Variants in PCDH9 observed in about 807,000 individuals in gnomAD.
PCDH9 encodes protocadherin 9.
PCDH9 carries 24 observed loss-of-function variants against 70.6 expected under a neutral mutation model. That is an observed-to-expected ratio of 0.34 (90% confidence interval 0.25 to 0.48). The LOEUF (loss-of-function observed/expected upper bound fraction) is 0.48, where lower values mean the gene tolerates loss of function less well. PCDH9 is among the 20% of genes least tolerant of loss of function. The pLI is 0.99. For synonymous variants in PCDH9, 562 were observed against 558.5 expected, an observed-to-expected ratio of 1.01 and a Z score of -0.09; for missense variants, 1,281 against 1,503.6, an observed-to-expected ratio of 0.85 and a Z score of 2.45.
chr13:67,012,667 C>T (rs898910434), intron 2 of PCDH9, among the ~76,000 whole-genome samples: 1 of 151,932 alleles, frequency 6.6e-6, no homozygotes, highest in Admixed American at 6.6e-5. Context: ...GAAGAGACAG[C>T]CTCTGACTCA....
chr13:66,523,221 TACTATC>T (rs1452638664), intron 4 of PCDH9, among the ~76,000 whole-genome samples: 4 of 152,016 alleles, frequency 2.6e-5, no homozygotes, highest in Admixed American at 2.6e-4. Context: ...CACCCTTCAT[TACTATC>T]ACTATCAAAA....
chr13:67,209,088 T>C (rs569239210), intron 2 of PCDH9: 1 of 152,224 alleles, frequency 6.6e-6, no homozygotes, highest in East Asian at 1.9e-4. Flanking sequence ...AACACTGGAG[T>C]ATTGTTCTGA....
intron 4 of PCDH9, among the ~76,000 whole-genome samples, chr13:66,337,598 AAAACAAACAAAC>A (rs71106965): frequency 6.6e-6 from 1 of 151,134 alleles, no homozygotes; most frequent in Non-Finnish European, 1.5e-5. Context: ...GGTACTTGTT[AAAACAAACAAAC>A]AAACAAACAA....
intron 3 of PCDH9, among the ~76,000 whole-genome samples, chr13:66,885,202 G>C (rs1423687919): frequency 1.3e-5 from 2 of 152,046 alleles, no homozygotes; most frequent in Non-Finnish European, 2.9e-5. Flanking sequence ...GACACTCCTT[G>C]ATATATCAGC....
At position 66,617,783 on chromosome 13, in the gene PCDH9, C is replaced by T. The variant is rs185822695; in HGVS notation, c.3340+13427G>A. Among the ~76,000 whole-genome samples, 3 of 152,292 alleles carry T rather than the reference C, an allele frequency of 2.0e-5. No homozygotes were observed. In the East Asian group the frequency reaches 5.8e-4, roughly 29 times the overall value. Reference sequence around the variant, plus strand: ...TTCAGGCCATCAAACTCCAAACAGTCATGCAATTGGAGCCTCTGATGATGG... The same window carrying T: ...TTCAGGCCATCAAACTCCAAACAGTTATGCAATTGGAGCCTCTGATGATGG... On this transcript the variant is annotated intron_variant, in intron 4 of 4. Transcript: ENST00000377865.
chr13:66,496,296 C>T (rs918670830), intron 4 of PCDH9, among the ~76,000 whole-genome samples: 13 of 152,112 alleles, frequency 8.5e-5, no homozygotes, highest in Non-Finnish European at 1.9e-4. Flanking sequence ...CGAAACTATC[C>T]TCATATCTCA....
chr13:66,745,146 A>G (rs1018512982), intron 3 of PCDH9, among the ~76,000 whole-genome samples: 3 of 152,210 alleles, frequency 2.0e-5, no homozygotes, highest in African/African-American at 7.2e-5. Flanking sequence ...TGATGAAGGG[A>G]TCTTTGGCAA....
intron 4 of PCDH9, among the ~76,000 whole-genome samples, chr13:66,520,869 G>A (rs903164441): frequency 2.0e-5 from 3 of 152,138 alleles, no homozygotes; most frequent in Non-Finnish European, 2.9e-5. Context: ...AGAATGAAAT[G>A]CTTCATGATT....
chr13:66,459,127 A>G (rs1220810889), intron 4 of PCDH9, among the ~76,000 whole-genome samples: 1 of 151,976 alleles, frequency 6.6e-6, no homozygotes, highest in African/African-American at 2.4e-5. Context: ...CTACAGGGAA[A>G]AATACTTCCA....
intron 3 of PCDH9, among the ~76,000 whole-genome samples, chr13:66,813,931 T>G (rs1310744358): frequency 1.3e-5 from 2 of 152,102 alleles, no homozygotes; most frequent in Non-Finnish European, 2.9e-5. Context: ...AGCACAGGCT[T>G]TAAAATACCA....
chr13:66,948,875 C>T (rs374809735), intron 2 of PCDH9, among the ~76,000 whole-genome samples: 4 of 152,148 alleles, frequency 2.6e-5, no homozygotes, highest in East Asian at 1.9e-4. Context: ...CATTTAATTA[C>T]CGAGCCTTTG....
At chr13:66,882,167 C>A (rs1252508971) in intron 3 of PCDH9, among the ~76,000 whole-genome samples, 1 of 152,190 alleles carries the variant, frequency 6.6e-6, no homozygotes, top group East Asian at 1.9e-4. Flanking sequence ...CTGAAACTAA[C>A]ATTTATCTCA....
At chr13:66,974,917 A>G (rs1211598248) in intron 2 of PCDH9, among the ~76,000 whole-genome samples, 1 of 152,078 alleles carries the variant, frequency 6.6e-6, no homozygotes, top group Admixed American at 6.6e-5. Context: ...CCTGGTTTAA[A>G]TAAGACAGTT....
intron 4 of PCDH9, among the ~76,000 whole-genome samples, chr13:66,597,328 A>G (rs146900903): frequency 1.3e-4 from 19 of 151,924 alleles, no homozygotes; most frequent in African/African-American, 4.6e-4. Flanking sequence ...TGACTTCAAA[A>G]TAAGCTACAA....
intron 2 of PCDH9, among the ~76,000 whole-genome samples, chr13:67,085,987 T>C (rs2086099913): frequency 1.3e-5 from 2 of 152,148 alleles, no homozygotes; most frequent in South Asian, 2.1e-4. Context: ...CTAAGCTTTA[T>C]ATAGCCTATA....
chr13:67,076,909 G>T (rs750982249), intron 2 of PCDH9, among the ~76,000 whole-genome samples: 1 of 152,064 alleles, frequency 6.6e-6, no homozygotes, highest in Non-Finnish European at 1.5e-5. Context: ...GCTAATAATG[G>T]CAGGGAAGCA....
intron 2 of PCDH9, among the ~76,000 whole-genome samples, chr13:67,188,397 C>A (rs1342951329): frequency 2.0e-5 from 3 of 151,968 alleles, no homozygotes; most frequent in African/African-American, 7.2e-5. Context: ...GTACTTTTAT[C>A]TTGACAATGC....
chr13:66,870,817 G>A (rs1359308028), intron 3 of PCDH9, among the ~76,000 whole-genome samples: 1 of 152,102 alleles, frequency 6.6e-6, no homozygotes, highest in Non-Finnish European at 1.5e-5. Flanking sequence ...AACCATTGTG[G>A]AAGTCAGTGT....
intron 4 of PCDH9, among the ~76,000 whole-genome samples, chr13:66,354,897 T>C (rs1035299336): frequency 2.0e-5 from 3 of 152,120 alleles, no homozygotes; most frequent in African/African-American, 7.2e-5. Context: ...ACTTATTATA[T>C]TCCAGGGCTT....
Sources: allele counts gnomAD v4.1 joint callset (sites outside exome capture counted in the v4.1 genomes callset), GRCh38; gene constraint gnomAD v4.1.1; transcripts MANE v1.5; gene names NCBI Gene and HGNC (gene_info 2026-07-23, HGNC 2026-07-21).